Variants in INAVA observed in about 807,000 individuals in gnomAD.
INAVA encodes innate immunity activator.
Under a neutral mutation model 55.3 loss-of-function variants are expected in INAVA, and 32 were observed. That is an observed-to-expected ratio of 0.58 (90% CI 0.44 to 0.78). The LOEUF is 0.78. Among genes scored for constraint, INAVA ranks in the 30% least tolerant of loss-of-function variants. The pLI, the probability that INAVA is intolerant of heterozygous loss-of-function variation, is 0.00. For synonymous variants in INAVA, 294 were observed against 329.4 expected (o/e 0.89, Z 1.16); for missense variants, 756 against 786.4 (o/e 0.96, Z 0.46).
intron 3 of INAVA, 152 bp downstream of exon 3, chr1:200,899,749 C>A: frequency 8.4e-7 from 1 of 1,190,832 alleles, no homozygotes; most frequent in Non-Finnish European, 1.2e-6. Context: ...CCCCATGATG[C>A]AGTGTTTGAC....
chr1:200,892,724 T>C (rs778073339), upstream of INAVA, among the ~76,000 whole-genome samples: 26 of 152,144 alleles, frequency 1.7e-4, no homozygotes, highest in Non-Finnish European at 2.9e-4. Flanking sequence ...ACCTCCCCCA[T>C]TGGTATTTTG....
At chr1:200,905,677 C>T (rs1653457734) in intron 5 of INAVA, among the ~76,000 whole-genome samples, 1 of 152,226 alleles carries the variant, frequency 6.6e-6, no homozygotes, top group Non-Finnish European at 1.5e-5. Context: ...TCTGCTACTT[C>T]AGTGCTAAAA....
At chr1:200,907,674 A>T (rs933081802) in intron 5 of INAVA, among the ~76,000 whole-genome samples, 160 bp from the exon 6 acceptor site, 1 of 151,220 alleles carries the variant, frequency 6.6e-6, no homozygotes, top group African/African-American at 2.4e-5. Flanking sequence ...AAAAAAAAAA[A>T]TCACTCCCAA....
Position 200,894,902 on chromosome 1 carries a change from CAGCCTGGGAGGGACGGCAAG to C in INAVA, c.-279_-260del, listed in dbSNP as rs935052655. The C allele has an allele frequency of 2.4e-5, 24 of 985,822 alleles. No homozygotes were observed. The highest frequency in any genetic ancestry group is 5.2e-4 in the Middle Eastern group (1 of 1,914). The allele number at this position is 985,822 out of a possible 1,614,324, so 61.1% of individuals were successfully genotyped here. ...AAGTAACCTGGTTCCCCTGGCCCGG[CAGCCTGGGAGGGACGGCAAG>C]GTAGGCAGGTGAGCCGAGACGGACG... On this transcript the variant is annotated 5_prime_UTR_variant, in exon 1 of 10. Transcript: ENST00000413687.
At chr1:200,905,135 G>A (rs1351079846) in intron 5 of INAVA, among the ~76,000 whole-genome samples, 1 of 152,138 alleles carries the variant, frequency 6.6e-6, no homozygotes, top group Non-Finnish European at 1.5e-5. Context: ...TAAAGCAAAG[G>A]CTACTTGTGA....
intron 5 of INAVA, among the ~76,000 whole-genome samples, 181 bp downstream of exon 5, chr1:200,901,340 GTCT>G (rs1447707214): frequency 6.6e-6 from 1 of 152,192 alleles, no homozygotes; most frequent in Non-Finnish European, 1.5e-5. Context: ...ATCCTGTGAG[GTCT>G]TCTTCTCCGT....
Position 200,894,950 on chromosome 1 carries a change from C to G in INAVA, c.-232C>G. 1.0e-6 allele frequency: 1 copy of G among 985,758 alleles called. No homozygotes were observed. Among genetic ancestry groups the G allele is most frequent in the Non-Finnish European group, 1.2e-6 (1 of 830,152 alleles). The allele number at this position is 985,758 out of a possible 1,614,324, so 61.1% of individuals were successfully genotyped here. A position where few individuals can be genotyped will look rare whatever the true frequency, so the allele number is the denominator to read the frequency against. ...AGGCAGGTGAGCCGAGACGGACGGA[C>G]GGCCAGCAGCTCCGTCAGCTGGAGA... On this transcript the variant is annotated 5_prime_UTR_variant, in exon 1 of 10. Transcript: ENST00000413687.
intron 5 of INAVA, among the ~76,000 whole-genome samples, chr1:200,903,862 C>T (rs1382862378): frequency 6.7e-6 from 1 of 148,364 alleles, no homozygotes; most frequent in Non-Finnish European, 1.5e-5. Flanking sequence ...AAATAAAAAA[C>T]CACCCTGCCC....
At position 200,911,792 on chromosome 1, in the gene INAVA, G is replaced by A. The variant is rs767472038; in HGVS notation, c.1299G>A (p.Pro433=). Residue 433 remains proline (P), a synonymous_variant, in exon 9 of 10, where the codon CCG becomes CCA. Transcript: ENST00000413687. ...PKLLLPPGYF[P]AGRYVVVAES... The stretch of plus-strand genomic sequence containing the variant: ...TACTGCTGCCGCCTGGCTATTTCCC[G>A]GCGGGGCGGTACGTGGTGGTGGCTG... 6.2e-7 allele frequency: 1 copy of A among 1,609,590 alleles called. No individual in the cohort carries two copies. The highest frequency in any genetic ancestry group is 1.1e-5 in the South Asian group (1 of 90,800).
At chr1:200,908,385 G>T in intron 6 of INAVA, 1 of 231,644 alleles carries the variant, frequency 4.3e-6, no homozygotes, top group Non-Finnish European at 8.3e-6. Flanking sequence ...GAAATAAATA[G>T]GCCATATGGG....
intron 1 of INAVA, 137 bp downstream of exon 1, chr1:200,895,224 G>C (rs1054812441): frequency 1.4e-6 from 1 of 707,956 alleles, no homozygotes; most frequent in Middle Eastern, 6.9e-4. Flanking sequence ...AGGGATGACA[G>C]AGGGGTGCTG....
At chr1:200,907,813 T>C in intron 5 of INAVA, 21 bp from the exon 6 acceptor site, 2 of 1,604,256 alleles carry the variant, frequency 1.2e-6, no homozygotes, top group Non-Finnish European at 1.7e-6. Context: ...CCTTCTCTTC[T>C]CTCCCCTTTG....
intron 5 of INAVA, chr1:200,903,100 A>C (rs1424223078): frequency 6.6e-6 from 1 of 152,266 alleles, no homozygotes; most frequent in Non-Finnish European, 1.5e-5. Flanking sequence ...GTTCTAGACA[A>C]GTAATTTCTG....
At chr1:200,905,199 T>C (rs374827) in intron 5 of INAVA, among the ~76,000 whole-genome samples, 68,116 of 151,890 alleles carry the variant, frequency 0.45, 15,783 homozygotes, top group South Asian at 0.63. Context: ...CAGCTCCTGG[T>C]ACCGTATGTC....
intron 1 of INAVA, among the ~76,000 whole-genome samples, chr1:200,896,248 C>T (rs1460458741): frequency 1.3e-5 from 2 of 151,870 alleles, no homozygotes; most frequent in African/African-American, 4.8e-5. Context: ...TTACTTCCTC[C>T]TCTGTGCAAA....
chr1:200,902,921 G>C (rs1653325659), intron 5 of INAVA: 1 of 152,328 alleles, frequency 6.6e-6, no homozygotes, highest in Non-Finnish European at 1.5e-5. Flanking sequence ...TGGAAGGCAG[G>C]AGGATGAGGT....
chr1:200,908,547 GAAGT>G (rs1653584303), intron 6 of INAVA, 179 bp from the exon 7 acceptor site: 1 of 534,714 alleles, frequency 1.9e-6, no homozygotes, highest in South Asian at 3.2e-5. Context: ...TGTGTGGGAA[GAAGT>G]AAGTCCCAAA....
chr1:200,911,832 C>T lies in INAVA; in HGVS notation c.1339C>T (p.Pro447Ser). 1.2e-6 allele frequency: 2 copies of T among 1,602,532 alleles called. No homozygotes were observed. The highest frequency in any genetic ancestry group is 1.7e-6 in the Non-Finnish European group (2 of 1,177,596). The change falls in exon 9 of 10, where the codon CCT becomes TCT. Residue 447 changes from proline to serine, a missense_variant. By Grantham distance (74) the Pro-to-Ser change is moderately conservative (BLOSUM62 -1). This residue lies in a region of INAVA where 639 missense variants were observed against 624.3 expected (regional missense o/e 1.02). Transcript: ENST00000413687. The stretch of plus-strand genomic sequence containing the variant: ...GGTGGTGGCTGAGAGCCCCCTGCCG[C>T]CTGGCGAGTGGGAGCTGCGCCGCGC... ...YVVVAESPLP[P>S]GEWELRRAAP...
At chr1:200,893,759 A>G (rs952971126), upstream of INAVA, among the ~76,000 whole-genome samples, 1 of 151,912 alleles carries the variant, frequency 6.6e-6, no homozygotes, top group African/African-American at 2.4e-5. Context: ...GCAGTGGGGG[A>G]TGCTGGGGGA....
Sources: gnomAD v4.1 joint callset for allele counts (sites outside exome capture counted in the v4.1 genomes callset) on GRCh38, gnomAD v4.1.1 for gene constraint, gnomAD v4.1.1 regional missense constraint, MANE v1.5 for transcripts, NCBI Gene and HGNC (gene_info 2026-07-23, HGNC 2026-07-21) for gene names.